Variants in NEK11 observed in about 807,000 individuals in gnomAD.
The protein encoded by NEK11 is serine/threonine-protein kinase Nek11.
Under a neutral mutation model 80.7 loss-of-function variants are expected in NEK11, and 72 were observed. The ratio of observed to expected loss-of-function variants is 0.89; its 90% CI spans 0.74 to 1.08. The LOEUF (loss-of-function observed/expected upper bound fraction) is 1.08. NEK11 is among the 50% of genes least tolerant of loss of function. NEK11 has a pLI of 0.00. For missense variants in NEK11, 764 were observed against 763.6 expected (o/e 1.00, Z -0.01); for synonymous variants, 251 against 260.7 (o/e 0.96, Z 0.36).
chr3:131,155,744 T>C (rs1044236700), intron 10 of NEK11, among the ~76,000 whole-genome samples: 3 of 152,200 alleles, frequency 2.0e-5, no homozygotes, highest in Non-Finnish European at 4.4e-5. Context: ...AACTATGGTA[T>C]ACAGGAGGTG....
chr3:131,220,498 A>G (rs1039384056), intron 14 of NEK11, among the ~76,000 whole-genome samples: 2 of 152,190 alleles, frequency 1.3e-5, no homozygotes, highest in African/African-American at 2.4e-5. Context: ...ATGAATGAAC[A>G]TGGTCTTCAT....
chr3:131,336,903 A>C (rs1027356147), intron 17 of NEK11, among the ~76,000 whole-genome samples: 7 of 152,176 alleles, frequency 4.6e-5, no homozygotes, highest in Non-Finnish European at 1.0e-4. Flanking sequence ...TGCAAATCAA[A>C]ACCACAATGA....
At chr3:131,173,515 A>G (rs940890345) in intron 14 of NEK11, among the ~76,000 whole-genome samples, 1 of 151,396 alleles carries the variant, frequency 6.6e-6, no homozygotes, top group African/African-American at 2.4e-5. Context: ...AGCCAAAGAC[A>G]TTAAGTGGTT....
chr3:131,303,193 A>G (rs2096681224), intron 17 of NEK11, among the ~76,000 whole-genome samples: 1 of 152,040 alleles, frequency 6.6e-6, no homozygotes, highest in Non-Finnish European at 1.5e-5. Context: ...GATTTTTCTC[A>G]TTCCCTTTAC....
intron 14 of NEK11, among the ~76,000 whole-genome samples, chr3:131,217,216 GTTGAA>G (rs1251477502): frequency 4.6e-5 from 7 of 152,192 alleles, no homozygotes; most frequent in African/African-American, 1.7e-4. Context: ...TACAATATAT[GTTGAA>G]TTGAAGTTTT....
At chr3:131,183,175 T>C (rs1367088093) in intron 14 of NEK11, among the ~76,000 whole-genome samples, 2 of 152,120 alleles carry the variant, frequency 1.3e-5, no homozygotes, top group Non-Finnish European at 2.9e-5. Flanking sequence ...TTAGAAAAAA[T>C]TTTAAAATGT....
chr3:131,337,789 C>T (rs971103705), intron 17 of NEK11, among the ~76,000 whole-genome samples: 3 of 152,114 alleles, frequency 2.0e-5, no homozygotes, highest in Non-Finnish European at 2.9e-5. Flanking sequence ...GAGAATCAAT[C>T]TGAACCCCCC....
chr3:131,041,056 A>C (rs977607966), intron 3 of NEK11, among the ~76,000 whole-genome samples: 35 of 152,210 alleles, frequency 2.3e-4, no homozygotes, highest in African/African-American at 8.4e-4. Flanking sequence ...CATAAGCCTC[A>C]TACAAATGCA....
At chr3:131,215,190 G>A (rs893680937) in intron 14 of NEK11, among the ~76,000 whole-genome samples, 5 of 149,144 alleles carry the variant, frequency 3.4e-5, no homozygotes, top group East Asian at 4.0e-4. Flanking sequence ...ACCAAACACC[G>A]CATGTTCTCA....
chr3:131,248,696 C>T (rs965875576), intron 16 of NEK11, among the ~76,000 whole-genome samples: 7 of 152,088 alleles, frequency 4.6e-5, no homozygotes, highest in Non-Finnish European at 7.4e-5. Flanking sequence ...AGGCTGTCTA[C>T]CCATCCTCTC....
chr3:131,109,716 T>A, intron 4 of NEK11, 87 bp from the exon 5 acceptor site: 1 of 1,288,986 alleles, frequency 7.8e-7, no homozygotes, highest in Non-Finnish European at 1.0e-6. Flanking sequence ...TTATAAACAG[T>A]GACTGCTATG....
At chr3:131,307,214 A>G (rs2096732239) in intron 17 of NEK11, among the ~76,000 whole-genome samples, 1 of 152,186 alleles carries the variant, frequency 6.6e-6, no homozygotes, top group African/African-American at 2.4e-5. Flanking sequence ...ATCAACTTTC[A>G]AGAAATATAA....
intron 16 of NEK11, among the ~76,000 whole-genome samples, chr3:131,247,887 G>A (rs2095631370): frequency 6.8e-6 from 1 of 148,058 alleles, no homozygotes; most frequent in East Asian, 2.0e-4. Flanking sequence ...TTCTTGATTT[G>A]GTTCTTAATG....
At chr3:131,123,164 T>C (rs2082685706) in intron 5 of NEK11, among the ~76,000 whole-genome samples, 1 of 152,092 alleles carries the variant, frequency 6.6e-6, no homozygotes, top group Non-Finnish European at 1.5e-5. Flanking sequence ...AGCCAATACA[T>C]TACGATTTTT....
intron 16 of NEK11, among the ~76,000 whole-genome samples, chr3:131,268,825 G>A (rs2096117283): frequency 6.6e-6 from 1 of 152,240 alleles, no homozygotes; most frequent in Non-Finnish European, 1.5e-5. Flanking sequence ...TCTCTTCAGA[G>A]CCAGCAGGCA....
At chr3:131,314,528 T>C (rs1289744185) in intron 17 of NEK11, among the ~76,000 whole-genome samples, 1 of 152,198 alleles carries the variant, frequency 6.6e-6, no homozygotes, top group Non-Finnish European at 1.5e-5. Flanking sequence ...GCACTTCCTA[T>C]TGGCAGAGCC....
At chr3:131,114,571 T>C (rs1295618250) in intron 5 of NEK11, among the ~76,000 whole-genome samples, 1 of 152,178 alleles carries the variant, frequency 6.6e-6, no homozygotes, top group Non-Finnish European at 1.5e-5. Flanking sequence ...AACCCCTTGC[T>C]CAGACATGAC....
chr3:131,137,354 A>G (rs1217672120), intron 7 of NEK11, among the ~76,000 whole-genome samples: 1 of 152,172 alleles, frequency 6.6e-6, no homozygotes, highest in Admixed American at 6.5e-5. Flanking sequence ...TGGGGACAAC[A>G]GCCTATTTTT....
intron 14 of NEK11, chr3:131,184,805 C>A: frequency 1.3e-6 from 1 of 773,214 alleles, no homozygotes; most frequent in South Asian, 3.8e-5. Context: ...TTTGAGTCCC[C>A]TAGCTGTTGC....
Sources: gnomAD v4.1 joint callset for allele counts (sites outside exome capture counted in the v4.1 genomes callset) on GRCh38, gnomAD v4.1.1 for gene constraint, MANE v1.5 for transcripts, NCBI Gene and HGNC (gene_info 2026-07-23, HGNC 2026-07-21) for gene names.